Variants in ARNT2 observed in about 807,000 individuals in gnomAD.
The protein encoded by ARNT2 is ARNT protein 2.
ARNT2 carries 36 observed loss-of-function variants against 91.7 expected under a neutral mutation model. The observed-to-expected ratio is 0.39, with a 90% CI of 0.30 to 0.52. The LOEUF (loss-of-function observed/expected upper bound fraction) is 0.52. ARNT2 is among the 20% of genes least tolerant of loss of function. The probability of loss-of-function intolerance (pLI) is 0.72; values close to 1 mark genes in which losing one functional copy is unlikely to be tolerated. For missense variants in ARNT2, 775 were observed against 939.3 expected, an observed-to-expected ratio of 0.83 and a Z score of 2.29; for synonymous variants, 365 against 347.1, an observed-to-expected ratio of 1.05 and a Z score of -0.57.
intron 5 of ARNT2, among the ~76,000 whole-genome samples, chr15:80,495,591 G>T (rs968127497): frequency 6.6e-6 from 1 of 152,220 alleles, no homozygotes; most frequent in Non-Finnish European, 1.5e-5. Context: ...AGGGCTGGAG[G>T]GTTTGTCAGA....
chr15:80,535,913 T>TGTTTGTTG (rs1897815687), intron 8 of ARNT2, among the ~76,000 whole-genome samples: 1 of 152,202 alleles, frequency 6.6e-6, no homozygotes. Context: ...TGTTGTTTGT[T>TGTTTGTTG]TTTCAGTTAT....
At position 80,443,516 on chromosome 15, in the gene ARNT2, C is replaced by T. The variant is rs1332454462; in HGVS notation, c.32-7364C>T. On this transcript the variant is annotated intron_variant, in intron 1 of 18. Transcript: ENST00000303329. Reference sequence around the variant, plus strand: ...AGATGGAGAGACCTCTCGGAGGTAGCAGCAGGGCTTGCTATTGGATTGGAG... The same window carrying T: ...AGATGGAGAGACCTCTCGGAGGTAGTAGCAGGGCTTGCTATTGGATTGGAG... Among the ~76,000 whole-genome samples, 3 of 152,192 alleles carry T rather than the reference C, an allele frequency of 2.0e-5. No homozygotes were observed. The East Asian group carries it at 5.8e-4, about 29-fold the overall frequency.
chr15:80,568,280 A>G (rs1004433581), intron 12 of ARNT2, among the ~76,000 whole-genome samples: 1 of 152,174 alleles, frequency 6.6e-6, no homozygotes, highest in Non-Finnish European at 1.5e-5. Context: ...GCGTTTTTAC[A>G]TGGGCACGAC....
At position 80,597,613 on chromosome 15, in the gene ARNT2, G is replaced by A. The variant is rs531370577; in HGVS notation, c.*3915G>A. On this transcript the variant is annotated 3_prime_UTR_variant, in exon 19 of 19. Coordinates refer to ENST00000303329, the MANE Select transcript of ARNT2 (RefSeq NM_014862.4). Reference sequence around the variant, plus strand: ...TGGTCAACAACAGGCCAGGGTCTGTGGGGCACTGACCTTGAAAGTGGCAAA... The same window carrying A: ...TGGTCAACAACAGGCCAGGGTCTGTAGGGCACTGACCTTGAAAGTGGCAAA... 1.0e-3 allele frequency: 178 copies of A among 170,348 alleles called. No homozygotes were observed. Among genetic ancestry groups the A allele is most frequent in the African/African-American group, 4.0e-3 (170 of 42,078 alleles). 10.6% of individuals were successfully genotyped at this position (170,348 alleles called of 1,614,324 possible). A position where few individuals can be genotyped will look rare whatever the true frequency, so the allele number is the denominator to read the frequency against.
intron 8 of ARNT2, among the ~76,000 whole-genome samples, chr15:80,546,042 T>C (rs1041386023): frequency 3.9e-5 from 6 of 152,358 alleles, no homozygotes; most frequent in Non-Finnish European, 7.3e-5. Flanking sequence ...GTGACAGATG[T>C]TACTGCTGGT....
intron 1 of ARNT2, among the ~76,000 whole-genome samples, chr15:80,414,195 C>A (rs1389751998): frequency 6.6e-6 from 1 of 152,204 alleles, no homozygotes; most frequent in Non-Finnish European, 1.5e-5. Context: ...CAACTGGGGG[C>A]ATTTGCAATG....
chr15:80,570,079 G>A (rs1044146112), intron 12 of ARNT2, among the ~76,000 whole-genome samples: 1 of 152,218 alleles, frequency 6.6e-6, no homozygotes, highest in Non-Finnish European at 1.5e-5. Context: ...TTATAGCCAT[G>A]GGTATTTCTC....
At chr15:80,581,551 G>C (rs1898798303) in intron 17 of ARNT2, 147 bp downstream of exon 17, 2 of 1,053,206 alleles carry the variant, frequency 1.9e-6, no homozygotes, top group Non-Finnish European at 2.7e-6. Flanking sequence ...CTCTGGCTAT[G>C]AGGAGGCCTA....
intron 8 of ARNT2, among the ~76,000 whole-genome samples, chr15:80,543,941 A>G (rs1897951557): frequency 6.6e-6 from 1 of 152,064 alleles, no homozygotes; most frequent in African/African-American, 2.4e-5. Context: ...GGGTTTCACC[A>G]TGTTGGTCAG....
At chr15:80,564,533 T>C (rs1898437800) in intron 12 of ARNT2, among the ~76,000 whole-genome samples, 1 of 152,200 alleles carries the variant, frequency 6.6e-6, no homozygotes, top group South Asian at 2.1e-4. Flanking sequence ...CTGGATTTTT[T>C]TTTTTAATTT....
chr15:80,473,263 G>C (rs146483614), intron 4 of ARNT2, among the ~76,000 whole-genome samples: 13 of 152,218 alleles, frequency 8.5e-5, no homozygotes, highest in Non-Finnish European at 1.5e-4. Context: ...GGCTGGTTCT[G>C]GATCAGGGCA....
chr15:80,418,654 G>A (rs1413741646), intron 1 of ARNT2, among the ~76,000 whole-genome samples: 2 of 152,164 alleles, frequency 1.3e-5, no homozygotes, highest in Non-Finnish European at 2.9e-5. Context: ...ATCCTCTGTT[G>A]GGTCGGGGGC....
chr15:80,586,340 G>A lies in ARNT2; in HGVS notation c.1918+4936G>A, dbSNP rs776498727. ...CCATAGCTCCTTGTTCCCCACATGC[G>A]TCTCAGTTTAGGGTGAGGTCTCTAA... On this transcript the variant is annotated intron_variant, in intron 17 of 18. Coordinates refer to ENST00000303329, the MANE Select transcript of ARNT2 (RefSeq NM_014862.4). Among the ~76,000 whole-genome samples, 8 of 152,052 alleles carry A rather than the reference G, an allele frequency of 5.3e-5. No homozygotes were observed. The South Asian group carries it at 6.2e-4, about 12-fold the overall frequency.
intron 8 of ARNT2, 146 bp downstream of exon 8, chr15:80,514,551 T>C: frequency 1.4e-6 from 1 of 701,666 alleles, no homozygotes; most frequent in Non-Finnish European, 2.3e-6. Flanking sequence ...ATCTTTGTAA[T>C]TGGAAAACAT....
intron 5 of ARNT2, among the ~76,000 whole-genome samples, chr15:80,477,078 C>A (rs71399414): frequency 6.6e-6 from 1 of 152,228 alleles, no homozygotes; most frequent in Non-Finnish European, 1.5e-5. Flanking sequence ...TGTAAGACAC[C>A]TGCTTCCCTT....
intron 3 of ARNT2, among the ~76,000 whole-genome samples, chr15:80,464,151 G>A (rs1462010777): frequency 1.3e-5 from 2 of 152,080 alleles, no homozygotes; most frequent in African/African-American, 4.8e-5. Context: ...TAGTCTCTCC[G>A]GGCATTCTAG....
intron 11 of ARNT2, chr15:80,555,405 C>A: frequency 2.4e-6 from 1 of 424,686 alleles, no homozygotes; most frequent in Non-Finnish European, 4.3e-6. Context: ...AGGTTAACTG[C>A]ATGGGGAAGA....
intron 11 of ARNT2, chr15:80,562,785 T>C: frequency 8.4e-6 from 3 of 357,286 alleles, no homozygotes; most frequent in East Asian, 5.6e-5. Flanking sequence ...GCTTGCAGAG[T>C]TTTCATGATC....
At chr15:80,540,473 A>G (rs1446471762) in intron 8 of ARNT2, among the ~76,000 whole-genome samples, 1 of 151,852 alleles carries the variant, frequency 6.6e-6, no homozygotes, top group Non-Finnish European at 1.5e-5. Flanking sequence ...TAATATTCAG[A>G]TCCTTTGCTC....
Sources: allele counts gnomAD v4.1 joint callset (sites outside exome capture counted in the v4.1 genomes callset), GRCh38; gene constraint gnomAD v4.1.1; transcripts MANE v1.5; gene names NCBI Gene and HGNC (gene_info 2026-07-23, HGNC 2026-07-21).